Variants in TIAM1 observed in about 807,000 individuals in gnomAD.
TIAM1 encodes the protein TIAM Rac1 associated GEF 1.
Under a neutral mutation model 163.5 loss-of-function variants are expected in TIAM1, and 65 were observed. The observed-to-expected ratio is 0.40, with a 90% CI of 0.33 to 0.49. The LOEUF (loss-of-function observed/expected upper bound fraction) is 0.49, where lower values mean the gene tolerates loss of function less well. TIAM1 is among the 20% of genes least tolerant of loss of function. The pLI is 0.77. For synonymous variants in TIAM1, 833 were observed against 810.1 expected, an observed-to-expected ratio of 1.03 and a Z score of -0.48; for missense variants, 1,789 against 2,044.7, an observed-to-expected ratio of 0.87 and a Z score of 2.41.
chr21:31,242,874 A>AG (rs1180401337), intron 6 of TIAM1, among the ~76,000 whole-genome samples: 15 of 148,708 alleles, frequency 1.0e-4, no homozygotes, highest in Admixed American at 4.0e-4. Flanking sequence ...AAAAAAAAAA[A>AG]AAAAAGAAAA....
At chr21:31,427,208 C>T (rs879601208) in intron 2 of TIAM1, among the ~76,000 whole-genome samples, 17 of 152,292 alleles carry the variant, frequency 1.1e-4, no homozygotes, top group Admixed American at 2.6e-4. Context: ...GGTCATCGAC[C>T]GGGCACAGTG....
intron 26 of TIAM1, among the ~76,000 whole-genome samples, chr21:31,125,738 C>G (rs1260928699): frequency 6.6e-6 from 1 of 152,220 alleles, no homozygotes; most frequent in African/African-American, 2.4e-5. Flanking sequence ...CCAGGCATGG[C>G]TAACTTTTGT....
chr21:31,389,191 C>T (rs928071850), intron 2 of TIAM1, among the ~76,000 whole-genome samples: 7 of 152,068 alleles, frequency 4.6e-5, no homozygotes, highest in Admixed American at 1.3e-4. Context: ...TTTTTCCCAA[C>T]CATTTATTTT....
At chr21:31,509,705 G>C (rs868846692) in intron 1 of TIAM1, among the ~76,000 whole-genome samples, 1 of 152,156 alleles carries the variant, frequency 6.6e-6, no homozygotes, top group African/African-American at 2.4e-5. Flanking sequence ...CTGTCAGACA[G>C]AGATCATCTC....
chr21:31,305,817 G>A (rs1273733650), intron 2 of TIAM1, among the ~76,000 whole-genome samples: 1 of 152,108 alleles, frequency 6.6e-6, no homozygotes, highest in Non-Finnish European at 1.5e-5. Flanking sequence ...AAAAAAAAAT[G>A]TCTATGGCTT....
intron 2 of TIAM1, among the ~76,000 whole-genome samples, chr21:31,388,982 G>A (rs1022563898): frequency 3.3e-5 from 5 of 152,170 alleles, no homozygotes; most frequent in South Asian, 2.1e-4. Context: ...GCAAAGGGCC[G>A]GATGGTAAAT....
At chr21:31,542,052 C>T (rs1324035141) in intron 1 of TIAM1, among the ~76,000 whole-genome samples, 1 of 152,160 alleles carries the variant, frequency 6.6e-6, no homozygotes, top group Non-Finnish European at 1.5e-5. Context: ...AGACTATGCC[C>T]TCAACCCTTG....
At chr21:31,300,140 G>A (rs554647794) in intron 2 of TIAM1, among the ~76,000 whole-genome samples, 3 of 152,206 alleles carry the variant, frequency 2.0e-5, no homozygotes, top group Admixed American at 1.3e-4. Context: ...GTGAGTTCTC[G>A]TGAGATCTAT....
chr21:31,324,659 G>T (rs1483245469), intron 2 of TIAM1, among the ~76,000 whole-genome samples: 1 of 152,126 alleles, frequency 6.6e-6, no homozygotes, highest in East Asian at 1.9e-4. Flanking sequence ...CTTTCAGACA[G>T]CTGCCTCTAG....
At chr21:31,531,070 T>C (rs1339150687) in intron 1 of TIAM1, among the ~76,000 whole-genome samples, 1 of 152,146 alleles carries the variant, frequency 6.6e-6, no homozygotes, top group African/African-American at 2.4e-5. Context: ...GCCTCACCTT[T>C]CTACAGCTCT....
chr21:31,359,702 T>C (rs1293971154), intron 2 of TIAM1, among the ~76,000 whole-genome samples: 1 of 151,484 alleles, frequency 6.6e-6, no homozygotes, highest in African/African-American at 2.4e-5. Flanking sequence ...GGCAGGAGAA[T>C]TGCTTGAACC....
chr21:31,254,608 G>T (rs986665589), intron 4 of TIAM1, among the ~76,000 whole-genome samples: 3 of 152,150 alleles, frequency 2.0e-5, no homozygotes, highest in Non-Finnish European at 2.9e-5. Context: ...AGGCAGGTGG[G>T]AGGATCACTT....
intron 1 of TIAM1, among the ~76,000 whole-genome samples, chr21:31,517,161 G>A (rs1464281282): frequency 2.6e-5 from 4 of 152,044 alleles, no homozygotes; most frequent in Admixed American, 6.6e-5. Flanking sequence ...ACAGTGCAGC[G>A]GTTAAGGCTA....
chr21:31,347,384 T>G (rs2076165280), upstream of TIAM1, among the ~76,000 whole-genome samples: 1 of 152,192 alleles, frequency 6.6e-6, no homozygotes, highest in African/African-American at 2.4e-5. Context: ...AGAAGGGCTG[T>G]GTCCTCCTGC....
chr21:31,282,018 C>G (rs2073592345), intron 2 of TIAM1, among the ~76,000 whole-genome samples: 2 of 152,144 alleles, frequency 1.3e-5, no homozygotes, highest in African/African-American at 4.8e-5. Flanking sequence ...TAAGGATACA[C>G]AATTTAAAAA....
At chr21:31,498,226 G>A (rs2046730915) in intron 1 of TIAM1, among the ~76,000 whole-genome samples, 1 of 152,226 alleles carries the variant, frequency 6.6e-6, no homozygotes. Flanking sequence ...AGCTTTCCAA[G>A]ATGATCACAG....
intron 2 of TIAM1, among the ~76,000 whole-genome samples, chr21:31,410,054 A>G (rs1485374231): frequency 1.3e-5 from 2 of 152,230 alleles, no homozygotes; most frequent in East Asian, 3.9e-4. Flanking sequence ...AGCAGTTATT[A>G]AAGTCAATGG....
intron 2 of TIAM1, among the ~76,000 whole-genome samples, chr21:31,441,553 T>C (rs1268995673): frequency 1.3e-5 from 2 of 152,212 alleles, no homozygotes; most frequent in Non-Finnish European, 2.9e-5. Flanking sequence ...GCCTGGGTCC[T>C]GGAATCACCA....
At chr21:31,225,671 A>AAC (rs1569062607) in intron 7 of TIAM1, 55 bp downstream of exon 7, 4 of 1,421,110 alleles carry the variant, frequency 2.8e-6, no homozygotes, top group African/African-American at 1.4e-5. Flanking sequence ...AAAAAAAAAA[A>AAC]CCCTTTTAGA....
Sources: gnomAD v4.1 joint callset for allele counts (sites outside exome capture counted in the v4.1 genomes callset) on GRCh38, gnomAD v4.1.1 for gene constraint, MANE v1.5 for transcripts, NCBI Gene and HGNC (gene_info 2026-07-23, HGNC 2026-07-21) for gene names.